SHOC1: variants seen among roughly 807,000 people sequenced by gnomAD.
The protein encoded by SHOC1 is shortage in chiasmata 1.
SHOC1 carries 136 observed loss-of-function variants against 179.2 expected under a neutral mutation model. The ratio of observed to expected loss-of-function variants is 0.76; its 90% CI spans 0.66 to 0.87. The LOEUF (loss-of-function observed/expected upper bound fraction) is 0.87. SHOC1 is among the 40% of genes least tolerant of loss of function. SHOC1 has a pLI of 0.00. For synonymous variants in SHOC1, 489 were observed against 586.6 expected, an observed-to-expected ratio of 0.83 and a Z score of 2.41; for missense variants, 1,538 against 1,700.8, an observed-to-expected ratio of 0.90 and a Z score of 1.68.
At chr9:111,781,041 T>A (rs775503186) in intron 3 of SHOC1, 24 bp from the exon 4 acceptor site, 12 of 1,528,052 alleles carry the variant, frequency 7.9e-6, no homozygotes, top group Non-Finnish European at 1.1e-5. Context: ...TAGTTAACAT[T>A]AATGTCTAGA....
At chr9:111,771,569 C>G (rs1168105578) in intron 5 of SHOC1, among the ~76,000 whole-genome samples, 1 of 152,082 alleles carries the variant, frequency 6.6e-6, no homozygotes, top group South Asian at 2.1e-4. Context: ...GATTGAAGAA[C>G]CCCCTTTACC....
In SHOC1 at chr9:111,787,867, C is replaced by T. The variant is rs532492216; in HGVS notation, c.46-1832G>A. Among the ~76,000 whole-genome samples the T allele has an allele frequency of 7.9e-5, 12 of 152,278 alleles. No individual in the cohort carries two copies. The East Asian group carries it at 2.3e-3, about 29-fold the overall frequency. ...TTGCCTTAAGAAATTGCCACAGCCA[C>T]CACTCTGATCAGTCAGCAGCCGTCA... On this transcript the variant is annotated intron_variant, in intron 2 of 27. Transcript: ENST00000682961.
chr9:111,704,226 G>A (rs899267715), intron 21 of SHOC1, among the ~76,000 whole-genome samples: 2 of 152,122 alleles, frequency 1.3e-5, no homozygotes, highest in South Asian at 2.1e-4. Flanking sequence ...GTTACTGCAC[G>A]TAACACTATT....
intron 24 of SHOC1, among the ~76,000 whole-genome samples, chr9:111,698,079 T>G (rs936059295): frequency 1.3e-5 from 2 of 152,248 alleles, no homozygotes; most frequent in African/African-American, 4.8e-5. Flanking sequence ...TCTTTGTAGA[T>G]TCTGGATATT....
chr9:111,774,719 G>A (rs1835764218), intron 5 of SHOC1, among the ~76,000 whole-genome samples: 1 of 151,436 alleles, frequency 6.6e-6, no homozygotes, highest in Non-Finnish European at 1.5e-5. Flanking sequence ...TCATCACACA[G>A]CTATTTGCCA....
chr9:111,690,699 C>T (rs1182266986), intron 27 of SHOC1, among the ~76,000 whole-genome samples: 1 of 152,068 alleles, frequency 6.6e-6, no homozygotes, highest in Non-Finnish European at 1.5e-5. Context: ...AGAATACTTC[C>T]CATTAAAGTG....
intron 2 of SHOC1, among the ~76,000 whole-genome samples, chr9:111,789,229 A>G (rs1247650039): frequency 6.6e-6 from 1 of 152,206 alleles, no homozygotes; most frequent in African/African-American, 2.4e-5. Flanking sequence ...AGAGAAAAAG[A>G]TTACTTAAGG....
chr9:111,717,202 T>G (rs1455554821), intron 16 of SHOC1, among the ~76,000 whole-genome samples: 2 of 152,242 alleles, frequency 1.3e-5, no homozygotes, highest in African/African-American at 4.8e-5. Flanking sequence ...AGAAAATGTC[T>G]GGGTCTTAGA....
At chr9:111,693,421 CAAAAAAA>C (rs59200447) in intron 26 of SHOC1, among the ~76,000 whole-genome samples, 5 of 85,832 alleles carry the variant, frequency 5.8e-5, no homozygotes, top group Middle Eastern at 7.6e-3. Context: ...CCCGTTTCTA[CAAAAAAA>C]AAAAAAAAAA....
chr9:111,689,925 A>G (rs997678236), intron 27 of SHOC1, among the ~76,000 whole-genome samples: 1 of 152,180 alleles, frequency 6.6e-6, no homozygotes, highest in Non-Finnish European at 1.5e-5. Context: ...TATATATTGG[A>G]GTGCCCTGTG....
chr9:111,695,438 G>C (rs7042526), intron 24 of SHOC1, among the ~76,000 whole-genome samples: 87,509 of 151,738 alleles, frequency 0.58, 26,795 homozygotes, highest in East Asian at 0.8. Flanking sequence ...TTTATTGCTA[G>C]TTTTGGGTGT....
chr9:111,786,065 T>G (rs1371479203), intron 2 of SHOC1, 30 bp from the exon 3 acceptor site: 2 of 1,399,386 alleles, frequency 1.4e-6, no homozygotes, highest in African/African-American at 3.0e-5. Flanking sequence ...TAGAAAATCT[T>G]TTAACATGTA....
At chr9:111,696,842 C>A (rs916964099) in intron 24 of SHOC1, among the ~76,000 whole-genome samples, 2 of 152,304 alleles carry the variant, frequency 1.3e-5, no homozygotes, top group East Asian at 1.9e-4. Context: ...TTACATTTGT[C>A]ATTCACTTTA....
rs747575311 is a variant in SHOC1 at position 111,723,782 on chromosome 9, T to C, written c.1954+10A>G. The stretch of plus-strand genomic sequence containing the variant: ...AAATCTGAAATGCATTTTAAAAGCA[T>C]ATAACATACCTGACGCTTGAATTTC... On this transcript the variant is annotated intron_variant, in intron 14 of 27. Transcript: ENST00000682961. The C allele has an allele frequency of 9.3e-6, 15 of 1,609,508 alleles. No individual in the cohort carries two copies. The highest frequency in any genetic ancestry group is 1.6e-4 in the Middle Eastern group (1 of 6,066).
intron 3 of SHOC1, among the ~76,000 whole-genome samples, chr9:111,784,611 T>C (rs758539053): frequency 3.3e-5 from 5 of 152,218 alleles, no homozygotes; most frequent in Non-Finnish European, 5.9e-5. Flanking sequence ...TTCTTAAAAT[T>C]GTCCAGTGAC....
At chr9:111,775,243 C>T (rs1353131055) in intron 5 of SHOC1, among the ~76,000 whole-genome samples, 1 of 152,042 alleles carries the variant, frequency 6.6e-6, no homozygotes, top group Non-Finnish European at 1.5e-5. Context: ...GATCTACCCA[C>T]CTTGGCCTCC....
At chr9:111,699,424 G>C (rs1050564765) in intron 24 of SHOC1, among the ~76,000 whole-genome samples, 2 of 152,112 alleles carry the variant, frequency 1.3e-5, no homozygotes, top group Non-Finnish European at 2.9e-5. Context: ...AAAAATTTAA[G>C]AATTATACTC....
intron 5 of SHOC1, among the ~76,000 whole-genome samples, chr9:111,774,594 A>G (rs1589466458): frequency 6.6e-6 from 1 of 152,034 alleles, no homozygotes; most frequent in Non-Finnish European, 1.5e-5. Context: ...TCTGACTCCA[A>G]ATTCAGGCTC....
intron 10 of SHOC1, among the ~76,000 whole-genome samples, chr9:111,742,639 T>A (rs1834095142): frequency 6.6e-6 from 1 of 152,208 alleles, no homozygotes; most frequent in African/African-American, 2.4e-5. Flanking sequence ...GAGTGAGAAC[T>A]GATTGTATTC....
Sources: allele counts gnomAD v4.1 joint callset (sites outside exome capture counted in the v4.1 genomes callset), GRCh38; gene constraint gnomAD v4.1.1; transcripts MANE v1.5; gene names NCBI Gene and HGNC (gene_info 2026-07-23, HGNC 2026-07-21).